The following ADAM10 variants were observed in gnomAD, a reference collection of about 807,000 sequenced individuals.
ADAM10 encodes the protein disintegrin and metalloproteinase domain-containing protein 10.
Under a neutral mutation model 90.1 loss-of-function variants are expected in ADAM10, and 17 were observed. The observed-to-expected ratio is 0.19, with a 90% CI of 0.13 to 0.28. ADAM10 has a LOEUF of 0.28. Among genes scored for constraint, ADAM10 ranks in the 10% least tolerant of loss-of-function variants. ADAM10 has a pLI of 1.00. For synonymous variants in ADAM10, 310 were observed against 298.6 expected, an observed-to-expected ratio of 1.04 and a Z score of -0.40; for missense variants, 610 against 914.3, an observed-to-expected ratio of 0.67 and a Z score of 4.29.
At chr15:58,744,261 G>A (rs1481887470) in intron 1 of ADAM10, among the ~76,000 whole-genome samples, 1 of 150,458 alleles carries the variant, frequency 6.6e-6, no homozygotes, top group Non-Finnish European at 1.5e-5. Context: ...GGGGTGGGGG[G>A]CAGGGAGAAA....
intron 14 of ADAM10, among the ~76,000 whole-genome samples, chr15:58,604,816 C>T (rs903190811): frequency 6.6e-6 from 1 of 152,178 alleles, no homozygotes; most frequent in African/African-American, 2.4e-5. Flanking sequence ...GGTGCAATCA[C>T]GGCTCACTGC....
At position 58,630,534 on chromosome 15, in the gene ADAM10, T is replaced by C. The variant is rs373619205; in HGVS notation, c.1177-2651A>G. 4.8e-4 allele frequency among the ~76,000 whole-genome samples: 73 copies of C among 152,274 alleles called. No individual in the cohort carries two copies. The South Asian group carries it at 0.015, about 31-fold the overall frequency. On this transcript the variant is annotated intron_variant, in intron 9 of 15. Transcript: ENST00000260408. ...TATTAGAACTGTATTTACATGAAGG[T>C]GAATCTGGTGAGAGTAGGTACATAT...
rs118167666 is a variant in ADAM10, at chr15:58,628,603, C to A, written c.1177-720G>T. ...CTCCCTGAATTTTCTCAAAGTAATGCTTATGAGACCAAGCAACAGAACACT... is the reference window on the plus strand; with the variant it reads ...CTCCCTGAATTTTCTCAAAGTAATGATTATGAGACCAAGCAACAGAACACT... On this transcript the variant is annotated intron_variant, in intron 9 of 15. Transcript: ENST00000260408. Among the ~76,000 whole-genome samples, 6 of 152,194 alleles carry A rather than the reference C, an allele frequency of 3.9e-5. No individual in the cohort carries two copies. The South Asian group carries it at 1.2e-3, about 32-fold the overall frequency.
chr15:58,669,437 G>A (rs996640251), intron 4 of ADAM10, among the ~76,000 whole-genome samples: 1 of 152,116 alleles, frequency 6.6e-6, no homozygotes, highest in South Asian at 2.1e-4. Context: ...AGAACTGTGA[G>A]GTCAGGAAAA....
At chr15:58,653,951 C>G (rs1228594002) in intron 5 of ADAM10, among the ~76,000 whole-genome samples, 2 of 152,116 alleles carry the variant, frequency 1.3e-5, no homozygotes, top group African/African-American at 4.8e-5. Flanking sequence ...TTGTATGTGT[C>G]TAAGAATGTA....
At chr15:58,631,358 C>A (rs144562924) in intron 9 of ADAM10, among the ~76,000 whole-genome samples, 155 of 152,190 alleles carry the variant, frequency 1.0e-3, no homozygotes, top group Non-Finnish European at 1.8e-3. Context: ...GCGTGGTAGG[C>A]AAAGAGTGTG....
chr15:58,692,740 T>G lies in ADAM10; in HGVS notation c.207-10426A>C, dbSNP rs773832850. 3 of 584,724 alleles carry G rather than the reference T, an allele frequency of 5.1e-6. 1 individual carries two copies. Among genetic ancestry groups the G allele is most frequent in the African/African-American group, 3.7e-5 (2 of 53,792 alleles). 36.2% of individuals were successfully genotyped at this position (584,724 alleles called of 1,614,324 possible). ...CCCAGCAGAAGATACCCAGGAATAC[T>G]GTTCTTCGTCATTGTGCTTTGTGAT... On this transcript the variant is annotated intron_variant, in intron 2 of 15. Coordinates refer to ENST00000260408, the MANE Select transcript of ADAM10 (RefSeq NM_001110.4).
intron 14 of ADAM10, among the ~76,000 whole-genome samples, chr15:58,601,245 T>C (rs1895099566): frequency 1.3e-5 from 2 of 152,098 alleles, no homozygotes; most frequent in African/African-American, 2.4e-5. Context: ...GTGGATCACC[T>C]GAGGTCAGGA....
intron 1 of ADAM10, among the ~76,000 whole-genome samples, chr15:58,721,064 C>T (rs1315038417): frequency 6.6e-6 from 1 of 152,190 alleles, no homozygotes; most frequent in African/African-American, 2.4e-5. Flanking sequence ...TATTCTGTCA[C>T]TTTTGATAAC....
In ADAM10 at chr15:58,599,632, A is replaced by G. The variant is rs2140986901; in HGVS notation, c.2118T>C (p.Ser706=). 6.2e-7 allele frequency: 1 copy of G among 1,613,578 alleles called. No individual in the cohort carries two copies. The highest frequency in any genetic ancestry group is 2.2e-5 in the East Asian group (1 of 44,774). The change falls in exon 15 of 16, where the codon AGT becomes AGC. Residue 706 remains serine (S), a synonymous_variant. Transcript: ENST00000260408. The part of the protein sequence containing the change: ...IKICSVHTPS[S]NPKLPPPKPL... ...GTTTAGGAGGAGGCAACTTTGGATT[A>G]CTACTTGGAGTATGAACACTGCATA... is the stretch of plus-strand genomic sequence containing the variant.
intron 1 of ADAM10, among the ~76,000 whole-genome samples, chr15:58,747,161 A>T: frequency 6.6e-6 from 1 of 152,214 alleles, no homozygotes; most frequent in Admixed American, 6.5e-5. Flanking sequence ...GTTAAATTTT[A>T]AAAATAAAAT....
At chr15:58,737,512 T>G (rs185685574) in intron 1 of ADAM10, among the ~76,000 whole-genome samples, 1 of 152,294 alleles carries the variant, frequency 6.6e-6, no homozygotes, top group African/African-American at 2.4e-5. Flanking sequence ...ACTATTTGAC[T>G]TTCCTGACTC....
chr15:58,606,725 G>A (rs189978991), intron 14 of ADAM10, among the ~76,000 whole-genome samples: 68 of 152,228 alleles, frequency 4.5e-4, no homozygotes, highest in African/African-American at 8.7e-4. Context: ...CTATTAGCAC[G>A]CACCATCACC....
chr15:58,622,710 A>T (rs1456761481), intron 10 of ADAM10, among the ~76,000 whole-genome samples: 1 of 152,004 alleles, frequency 6.6e-6, no homozygotes, highest in Non-Finnish European at 1.5e-5. Flanking sequence ...AAGCATAGTG[A>T]ATAATTTTAG....
intron 2 of ADAM10, among the ~76,000 whole-genome samples, chr15:58,683,148 T>C (rs1453941078): frequency 6.6e-6 from 1 of 152,196 alleles, no homozygotes; most frequent in Non-Finnish European, 1.5e-5. Flanking sequence ...ATTGGAGATA[T>C]ATGATAAAAT....
In ADAM10 at chr15:58,718,441, G is replaced by A. The variant is rs1483129174; in HGVS notation, c.56-714C>T. ...TACCGGCTTACAGTTTTCTTTTCTT[G>A]TACTATCTTTGTCAAGTTTTGGTAT... On this transcript the variant is annotated intron_variant, in intron 1 of 15. Coordinates refer to ENST00000260408, the MANE Select transcript of ADAM10 (RefSeq NM_001110.4). Among the ~76,000 whole-genome samples the A allele has an allele frequency of 9.6e-5, 14 of 145,884 alleles. 1 individual carries two copies. Among genetic ancestry groups the A allele is most frequent in the Admixed American group, 7.0e-4 (10 of 14,200 alleles).
chr15:58,730,886 C>A (rs1024728109), intron 1 of ADAM10, among the ~76,000 whole-genome samples: 1 of 152,212 alleles, frequency 6.6e-6, no homozygotes, highest in African/African-American at 2.4e-5. Flanking sequence ...CCAGCCTCTG[C>A]GGCCTTCAGC....
chr15:58,619,898 C>T (rs139945511), intron 11 of ADAM10, among the ~76,000 whole-genome samples: 1,518 of 150,620 alleles, frequency 0.01, 22 homozygotes, highest in African/African-American at 0.034. Context: ...TGCAAGACTC[C>T]ATCTCAAAAA....
intron 1 of ADAM10, among the ~76,000 whole-genome samples, chr15:58,721,124 C>T (rs1025377204): frequency 4.6e-5 from 7 of 152,184 alleles, no homozygotes; most frequent in East Asian, 1.9e-4. Context: ...AAAAGCTCAA[C>T]GATTTACACA....
Sources: gnomAD v4.1 joint callset for allele counts (sites outside exome capture counted in the v4.1 genomes callset) on GRCh38, gnomAD v4.1.1 for gene constraint, MANE v1.5 for transcripts, NCBI Gene and HGNC (gene_info 2026-07-23, HGNC 2026-07-21) for gene names.